TBL1X: variants seen among roughly 807,000 people sequenced by gnomAD.
The protein encoded by TBL1X is transducin beta like 1 X-linked, also known as F-box-like/WD repeat-containing protein TBL1X.
A neutral mutation model predicts 50.7 loss-of-function variants in TBL1X; 10 were observed. The observed-to-expected ratio is 0.20, with a 90% confidence interval of 0.12 to 0.33. The LOEUF (loss-of-function observed/expected upper bound fraction) is 0.33, where lower values mean the gene tolerates loss of function less well. Ranked by LOEUF, TBL1X falls within the 10% of genes least tolerant of loss-of-function variation. The pLI, the probability that TBL1X is intolerant of heterozygous loss-of-function variation, is 1.00. For synonymous variants in TBL1X, 190 were observed against 214.7 expected, an observed-to-expected ratio of 0.88 and a Z score of 1.01; for missense variants, 340 against 504.4, an observed-to-expected ratio of 0.67 and a Z score of 3.12.
rs752631278 is a variant in TBL1X, at chrX:9,571,639, ACT to A, written c.-130-68632_-130-68631del. ...TGTACAGTTTAGTGGCATTAAGTACACTCACGTTACTGTGCAGGCATCATCAC... is the reference window on the plus strand; with the variant it reads ...TGTACAGTTTAGTGGCATTAAGTACACACGTTACTGTGCAGGCATCATCAC... On this transcript the variant is annotated intron_variant, in intron 2 of 17. Coordinates refer to ENST00000645353, the MANE Select transcript of TBL1X (RefSeq NM_005647.4). Among the ~76,000 whole-genome samples the A allele has an allele frequency of 1.2e-3, 139 of 112,006 alleles. 3 individuals carry two copies. Among genetic ancestry groups the A allele is most frequent in the Non-Finnish European group, 1.6e-3 (84 of 53,168 alleles).
At chrX:9,568,708 GTCTA>G (rs1437937164) in intron 2 of TBL1X, among the ~76,000 whole-genome samples, 1 of 106,166 alleles carries the variant, frequency 9.4e-6, no homozygotes, top group Non-Finnish European at 2.0e-5. Context: ...TGTGTGTTGT[GTCTA>G]TCTGCAGTGT....
At chrX:9,688,574 A>G (rs1407644478) in intron 7 of TBL1X, among the ~76,000 whole-genome samples, 1 of 112,671 alleles carries the variant, frequency 8.9e-6, no homozygotes, top group Non-Finnish European at 1.9e-5. Context: ...TGTTTCATTC[A>G]TGGACACCTT....
intron 2 of TBL1X, among the ~76,000 whole-genome samples, chrX:9,574,414 C>T (rs1485472415): frequency 1.0e-5 from 1 of 98,668 alleles, no homozygotes; most frequent in African/African-American, 3.9e-5. Flanking sequence ...ATGATCATAC[C>T]ACTGCACTTG....
chrX:9,686,417 G>A (rs1160066133), intron 6 of TBL1X, among the ~76,000 whole-genome samples: 3 of 112,460 alleles, frequency 2.7e-5, no homozygotes, highest in African/African-American at 9.7e-5. Context: ...AAAGTGAGAC[G>A]CCAGGGGCGG....
At chrX:9,557,772 A>G (rs754656946) in intron 2 of TBL1X, among the ~76,000 whole-genome samples, 1 of 111,908 alleles carries the variant, frequency 8.9e-6, no homozygotes, top group South Asian at 3.8e-4. Flanking sequence ...CAAGGGAGTG[A>G]TGCCAGAGGG....
intron 4 of TBL1X, 49 bp from the exon 5 acceptor site, chrX:9,654,166 A>T: frequency 1.8e-6 from 2 of 1,101,182 alleles, no homozygotes; most frequent in South Asian, 2.1e-5. Flanking sequence ...AAAAAAAAAA[A>T]GAGAAAAATA....
At chrX:9,621,752 A>G (rs1237583012) in intron 2 of TBL1X, among the ~76,000 whole-genome samples, 1 of 112,011 alleles carries the variant, frequency 8.9e-6, no homozygotes, top group South Asian at 3.7e-4. Flanking sequence ...TTTCCCAACG[A>G]CACAAATTAA....
intron 2 of TBL1X, among the ~76,000 whole-genome samples, chrX:9,527,017 G>C (rs1569215432): frequency 8.9e-6 from 1 of 112,002 alleles, no homozygotes; most frequent in Non-Finnish European, 1.9e-5. Flanking sequence ...GCTGAGGCTT[G>C]GAGATTGCGT....
At chrX:9,615,662 G>T (rs1267506794) in intron 2 of TBL1X, among the ~76,000 whole-genome samples, 2 of 112,023 alleles carry the variant, frequency 1.8e-5, no homozygotes, top group African/African-American at 6.5e-5. Flanking sequence ...TCCACAGATG[G>T]GACTATGAAC....
In TBL1X at chrX:9,697,441, G is replaced by T. The variant is rs72612809; in HGVS notation, c.1114+12G>T. 0.21 allele frequency: 246,394 copies of T among 1,200,188 alleles called. 18,379 individuals carry two copies. The highest frequency in any genetic ancestry group is 0.23 in the Non-Finnish European group (202,150 of 890,586). ...TCCTTTTCATTCAGGTGAGTTTTTT[G>T]TTGTTGTTGTTGTTGTTTGTTTTTT... On this transcript the variant is annotated intron_variant, in intron 12 of 17. Transcript: ENST00000645353.
intron 8 of TBL1X, 109 bp downstream of exon 8, chrX:9,691,820 C>T: frequency 2.9e-6 from 3 of 1,051,277 alleles, no homozygotes; most frequent in Non-Finnish European, 3.9e-6. Context: ...CCCTTCTTAC[C>T]CCGGTGTGTG....
intron 2 of TBL1X, among the ~76,000 whole-genome samples, chrX:9,597,101 T>G (rs2082530301): frequency 9.0e-6 from 1 of 110,668 alleles, no homozygotes; most frequent in Non-Finnish European, 1.9e-5. Context: ...AAGCCCCTGA[T>G]GGTAAAAGGA....
chrX:9,572,116 G>A (rs190730348), intron 2 of TBL1X, among the ~76,000 whole-genome samples: 1 of 111,883 alleles, frequency 8.9e-6, no homozygotes, highest in East Asian at 2.8e-4. Flanking sequence ...ACACCCCCGC[G>A]GAAAACTCCA....
At chrX:9,552,214 G>A (rs1290607576) in intron 2 of TBL1X, among the ~76,000 whole-genome samples, 2 of 111,372 alleles carry the variant, frequency 1.8e-5, no homozygotes, top group African/African-American at 3.3e-5. Context: ...TGAGGTGGCC[G>A]CGTAGGCATT....
rs150795395 is a variant in TBL1X at position 9,606,257 on chromosome X, G to A, written c.-130-34016G>A. Among the ~76,000 whole-genome samples the A allele has an allele frequency of 2.4e-4, 27 of 112,122 alleles. No individual in the cohort carries two copies. In the East Asian group the frequency reaches 3.1e-3, roughly 13 times the overall value. On this transcript the variant is annotated intron_variant, in intron 2 of 17. Coordinates refer to ENST00000645353, the MANE Select transcript of TBL1X (RefSeq NM_005647.4). ...ATGCCAGGGCTCACGGGGACCGACCGTCTGAGAAGCTGCCTGTCACGTCTC... is the reference window on the plus strand; with the variant it reads ...ATGCCAGGGCTCACGGGGACCGACCATCTGAGAAGCTGCCTGTCACGTCTC...
chrX:9,524,818 C>T (rs772948678), intron 2 of TBL1X, among the ~76,000 whole-genome samples: 7 of 112,198 alleles, frequency 6.2e-5, no homozygotes, highest in Non-Finnish European at 9.4e-5. Context: ...GTGGCACGAT[C>T]GTGACTCAGT....
intron 2 of TBL1X, among the ~76,000 whole-genome samples, chrX:9,602,931 C>CTG (rs1422056617): frequency 8.9e-6 from 1 of 112,569 alleles, no homozygotes; most frequent in East Asian, 2.8e-4. Flanking sequence ...CTTCATCCAC[C>CTG]TGGGAGCAGT....
At chrX:9,552,986 A>T (rs1409206486) in intron 2 of TBL1X, among the ~76,000 whole-genome samples, 1 of 110,953 alleles carries the variant, frequency 9.0e-6, no homozygotes, top group African/African-American at 3.3e-5. Context: ...CTAGAAAAAA[A>T]CTAAAAATTA....
At chrX:9,504,579 A>G (rs1206998004) in intron 2 of TBL1X, among the ~76,000 whole-genome samples, 3 of 112,364 alleles carry the variant, frequency 2.7e-5, no homozygotes, top group Non-Finnish European at 3.7e-5. Context: ...ATTGCTAACT[A>G]GAATAACCAG....
Sources: allele counts gnomAD v4.1 joint callset (sites outside exome capture counted in the v4.1 genomes callset), GRCh38; gene constraint gnomAD v4.1.1; transcripts MANE v1.5; gene names NCBI Gene and HGNC (gene_info 2026-07-23, HGNC 2026-07-21).